CASP9: variants seen among roughly 807,000 people sequenced by gnomAD.
CASP9 encodes caspase 9, also known as caspase-9.
In CASP9, 29 loss-of-function variants were observed where a neutral mutation model predicts 43.5. The observed-to-expected ratio is 0.67, with a 90% confidence interval of 0.50 to 0.91. The LOEUF is 0.91. Among genes scored for constraint, CASP9 ranks in the 40% least tolerant of loss-of-function variants. CASP9 has a pLI of 0.00. For synonymous variants in CASP9, 206 were observed against 211.9 expected (o/e 0.97, Z 0.24); for missense variants, 575 against 537.4 (o/e 1.07, Z -0.69).
At chr1:15,493,405 T>C (rs1177670512) in intron 8 of CASP9, 3 of 1,224,654 alleles carry the variant, frequency 2.4e-6, no homozygotes, top group African/African-American at 1.5e-5. Context: ...CTGCTCTGAG[T>C]CGGGTTTCTA....
rs780903297 is a variant in CASP9 at position 15,492,800 on chromosome 1, G to A, written c.*143C>T. ...TCAATCTGGAAGCTGCTAAGAGCCT[G>A]TCTGTCACTGGCAGAGAAAGAGCAG... On this transcript the variant is annotated 3_prime_UTR_variant, in exon 9 of 9. Coordinates refer to ENST00000333868, the MANE Select transcript of CASP9 (RefSeq NM_001229.5). 8.7e-7 allele frequency: 1 copy of A among 1,150,350 alleles called. No homozygotes were observed. The highest frequency in any genetic ancestry group is 1.2e-6 in the Non-Finnish European group (1 of 814,172). The allele number at this position is 1,150,350 out of a possible 1,614,324, so 71.3% of individuals were successfully genotyped here.
At chr1:15,511,650 C>T (rs1709760135) in intron 2 of CASP9, among the ~76,000 whole-genome samples, 1 of 152,196 alleles carries the variant, frequency 6.6e-6, no homozygotes, top group Non-Finnish European at 1.5e-5. Context: ...GTGATCCATC[C>T]GTCTTGGCCT....
In CASP9 at chr1:15,518,385, G is replaced by T. The variant is rs778541174; in HGVS notation, c.143C>A (p.Ser48Tyr). 1.9e-6 allele frequency: 3 copies of T among 1,610,478 alleles called. No homozygotes were observed. The highest frequency in any genetic ancestry group is 1.1e-5 in the South Asian group (1 of 91,064). Residue 48 changes from serine to tyrosine, a missense_variant, in exon 2 of 9, where the codon TCT becomes TAT. Transcript: ENST00000333868. ...HMIEDIQRAG[S>Y]GSRRDQARQL... ...CCTGGCCTGATCCCGCCGAGATCCA[G>T]AGCCTGCCCGCTGTTTGGAAAGAAA...
intron 2 of CASP9, among the ~76,000 whole-genome samples, chr1:15,512,652 T>C (rs969839773): frequency 8.5e-5 from 13 of 152,136 alleles, no homozygotes; most frequent in African/African-American, 3.1e-4. Context: ...TTGTAATAAA[T>C]ATGTTTTTAG....
At chr1:15,502,586 G>C (rs1709366553) in intron 6 of CASP9, among the ~76,000 whole-genome samples, 4 of 152,198 alleles carry the variant, frequency 2.6e-5, no homozygotes, top group Admixed American at 2.6e-4. Flanking sequence ...CCAGGCTGGG[G>C]AAGGTGAAGT....
chr1:15,493,165 G>A (rs1708956143), intron 8 of CASP9, 130 bp from the exon 9 acceptor site: 2 of 1,503,054 alleles, frequency 1.3e-6, no homozygotes, highest in East Asian at 2.3e-5. Context: ...GCCTCTTTGA[G>A]CAGGAGGGCT....
rs776049187 is a variant in CASP9, at chr1:15,518,062, A to G, written c.418+48T>C. 1.3e-5 allele frequency: 20 copies of G among 1,593,508 alleles called. No homozygotes were observed. In the South Asian group the frequency reaches 1.8e-4, roughly 14 times the overall value. The stretch of plus-strand genomic sequence containing the variant: ...CCAGCTGTACTCATAGTGAGTCCCA[A>G]ATGACTACGTGTCATGCCCACCCAC... On this transcript the variant is annotated intron_variant, in intron 2 of 8. Coordinates refer to ENST00000333868, the MANE Select transcript of CASP9 (RefSeq NM_001229.5).
intron 6 of CASP9, among the ~76,000 whole-genome samples, chr1:15,500,705 G>A (rs1013815738): frequency 2.0e-5 from 3 of 152,166 alleles, no homozygotes; most frequent in African/African-American, 7.2e-5. Context: ...TGCCCCAGGT[G>A]TCTGGGAATG....
intron 2 of CASP9, among the ~76,000 whole-genome samples, chr1:15,511,964 A>G (rs186914425): frequency 1.3e-5 from 2 of 152,244 alleles, no homozygotes; most frequent in East Asian, 3.9e-4. Context: ...GGCTCACTCA[A>G]TAGGAGGCCC....
chr1:15,506,033 G>A lies in CASP9; in HGVS notation c.677C>T (p.Ala226Val), dbSNP rs754702358. The change falls in exon 5 of 9, where the codon GCT becomes GTT. Residue 226 changes from alanine (A) to valine (V), a missense_variant. Physicochemically the swap from Ala to Val is moderately conservative, Grantham distance 64. Transcript: ENST00000333868. ...AATGACCACCACGCAGCAGTCCAGA[G>A]CACCGTGGTCCTGCTGCGCCAGCTC... ...LLELAQQDHGALDCCVVVILS... is the reference protein window; with the variant it reads ...LLELAQQDHGVLDCCVVVILS... 1.2e-5 allele frequency: 20 copies of A among 1,614,168 alleles called. No individual in the cohort carries two copies. The highest frequency in any genetic ancestry group is 1.7e-5 in the Non-Finnish European group (20 of 1,179,988).
At chr1:15,496,676 G>T (rs2103329265) in intron 6 of CASP9, among the ~76,000 whole-genome samples, 1 of 152,184 alleles carries the variant, frequency 6.6e-6, no homozygotes, top group African/African-American at 2.4e-5. Context: ...TAATAAAATA[G>T]TTAGAAATTA....
At position 15,515,744 on chromosome 1, in the gene CASP9, G is replaced by GT. The variant is rs1370221560; in HGVS notation, c.418+2365dup. 7.2e-5 allele frequency among the ~76,000 whole-genome samples: 11 copies of GT among 152,306 alleles called. No homozygotes were observed. The East Asian group carries it at 1.9e-3, about 27-fold the overall frequency. ...GGGAAAGTGGTCACCTTCACTCGCA[G>GT]TTGGTGAGATTATAAAATGACACAA... On this transcript the variant is annotated intron_variant, in intron 2 of 8. Coordinates refer to ENST00000333868, the MANE Select transcript of CASP9 (RefSeq NM_001229.5).
At chr1:15,524,741 TG>T, upstream of CASP9, 1 of 992,318 alleles carries the variant, frequency 1.0e-6, no homozygotes, top group Non-Finnish European at 1.2e-6. Context: ...GGTCACCGCC[TG>T]TCCCCAGAAC....
intron 1 of CASP9, among the ~76,000 whole-genome samples, chr1:15,521,528 C>A (rs181674769): frequency 6.6e-6 from 1 of 152,324 alleles, no homozygotes; most frequent in African/African-American, 2.4e-5. Context: ...AGTCTTTGAT[C>A]TTTCTTATAA....
intron 6 of CASP9, among the ~76,000 whole-genome samples, chr1:15,498,708 T>C (rs1411361428): frequency 6.7e-6 from 1 of 149,996 alleles, no homozygotes; most frequent in Non-Finnish European, 1.5e-5. Flanking sequence ...TATAGAACTA[T>C]AGAACACCAG....
intron 2 of CASP9, among the ~76,000 whole-genome samples, chr1:15,510,565 G>T (rs1350154448): frequency 6.6e-6 from 1 of 152,056 alleles, no homozygotes; most frequent in African/African-American, 2.4e-5. Context: ...AATATCTATT[G>T]ATAAAGCAAA....
chr1:15,507,694 TG>T (rs1333411182), intron 3 of CASP9, 178 bp downstream of exon 3: 1 of 632,786 alleles, frequency 1.6e-6, no homozygotes, highest in African/African-American at 1.8e-5. Context: ...AGCGCAGAGA[TG>T]AACAATCTGC....
In CASP9 at chr1:15,522,653, C is replaced by A. The variant is rs1308841067; in HGVS notation, c.132+1416G>T. On this transcript the variant is annotated intron_variant, in intron 1 of 8. Coordinates refer to ENST00000333868, the MANE Select transcript of CASP9 (RefSeq NM_001229.5). The stretch of plus-strand genomic sequence containing the variant: ...CCACTTAAGCCCAGGAGGTCAAGGT[C>A]GCAGTGAGCCATGATCTCATCCCTG... Among the ~76,000 whole-genome samples the A allele has an allele frequency of 2.0e-5, 3 of 152,172 alleles. No homozygotes were observed. In the East Asian group the frequency reaches 5.8e-4, roughly 29 times the overall value.
At chr1:15,519,261 C>T (rs1176131645) in intron 1 of CASP9, among the ~76,000 whole-genome samples, 1 of 152,114 alleles carries the variant, frequency 6.6e-6, no homozygotes, top group East Asian at 1.9e-4. Flanking sequence ...CTCACTGCAA[C>T]CTCCACCTTT....
Sources: gnomAD v4.1 joint callset for allele counts (sites outside exome capture counted in the v4.1 genomes callset) on GRCh38, gnomAD v4.1.1 for gene constraint, MANE v1.5 for transcripts, NCBI Gene and HGNC (gene_info 2026-07-23, HGNC 2026-07-21) for gene names.